FBXL12: variants seen among roughly 807,000 people sequenced by gnomAD.
The protein encoded by FBXL12 is F-box and leucine rich repeat protein 12, also known as F-box/LRR-repeat protein 12.
FBXL12 carries 22 observed loss-of-function variants against 24.9 expected under a neutral mutation model. The observed-to-expected ratio is 0.88, with a 90% CI of 0.63 to 1.26. The LOEUF is 1.26. Ranked by LOEUF, FBXL12 falls within the 50% of genes most tolerant of loss-of-function variation. FBXL12 has a pLI of 0.00. For synonymous variants in FBXL12, 193 were observed against 193.8 expected, an observed-to-expected ratio of 1.00 and a Z score of 0.03; for missense variants, 384 against 434.1, an observed-to-expected ratio of 0.88 and a Z score of 1.03.
At chr19:9,815,944 T>C (rs1234672152) in intron 2 of FBXL12, among the ~76,000 whole-genome samples, 1 of 152,220 alleles carries the variant, frequency 6.6e-6, no homozygotes, top group East Asian at 1.9e-4. Flanking sequence ...CCACTGTGCC[T>C]GGCCCTGAAC....
intron 2 of FBXL12, among the ~76,000 whole-genome samples, chr19:9,813,002 A>G (rs1168710098): frequency 1.3e-5 from 2 of 152,080 alleles, no homozygotes; most frequent in Admixed American, 6.6e-5. Flanking sequence ...GAACCTGGGA[A>G]GCAGAGGCTG....
At position 9,812,418 on chromosome 19, in the gene FBXL12, C is replaced by G. The variant is rs566761709; in HGVS notation, c.160-701G>C. The stretch of plus-strand genomic sequence containing the variant: ...TGGTGGCAAGCACCTGTAATCCCAG[C>G]TACTCAAGAGGCTGAGGCAAGAGAA... On this transcript the variant is annotated intron_variant, in intron 2 of 2. Transcript: ENST00000247977. 1.7e-4 allele frequency among the ~76,000 whole-genome samples: 25 copies of G among 150,702 alleles called. No homozygotes were observed. In the East Asian group the frequency reaches 4.9e-3, roughly 30 times the overall value.
intron 2 of FBXL12, among the ~76,000 whole-genome samples, chr19:9,815,327 C>T (rs2045856521): frequency 6.6e-6 from 1 of 152,234 alleles, no homozygotes; most frequent in Non-Finnish European, 1.5e-5. Context: ...CCAGCTCCGC[C>T]CCTTGTGGCT....
At chr19:9,812,813 C>G (rs2045788827) in intron 2 of FBXL12, among the ~76,000 whole-genome samples, 1 of 150,786 alleles carries the variant, frequency 6.6e-6, no homozygotes, top group East Asian at 1.9e-4. Context: ...GTGGCTCACA[C>G]CTGTAATCCC....
At position 9,811,734 on chromosome 19, in the gene FBXL12, T is replaced by A; in HGVS notation, c.160-17A>T. 1 of 1,504,314 alleles carries A rather than the reference T, an allele frequency of 6.6e-7. No homozygotes were observed. Among genetic ancestry groups the A allele is most frequent in the South Asian group, 1.4e-5 (1 of 73,096 alleles). 93.2% of individuals were successfully genotyped at this position (1,504,314 alleles called of 1,614,324 possible). A position where few individuals can be genotyped will look rare whatever the true frequency, so the allele number is the denominator to read the frequency against. On this transcript the variant is annotated splice_polypyrimidine_tract_variant and intron_variant, in intron 2 of 2. Coordinates refer to ENST00000247977, the MANE Select transcript of FBXL12 (RefSeq NM_017703.3). This position sits in a 1 kb window ranked among gnomAD's most constrained non-coding sequence, Gnocchi z 6.0. ...AGGTCGCATCTGTAAGAGCCAGAGATTGGGGTGACAGAGTGAGAGGTATGG... is the reference window on the plus strand; with the variant it reads ...AGGTCGCATCTGTAAGAGCCAGAGAATGGGGTGACAGAGTGAGAGGTATGG...
intron 2 of FBXL12, among the ~76,000 whole-genome samples, chr19:9,815,769 C>T (rs746721786): frequency 3.9e-5 from 6 of 152,096 alleles, no homozygotes; most frequent in Non-Finnish European, 7.3e-5. Context: ...ATTCTCCTGC[C>T]TCAGCCTCCC....
rs1568341272 is a variant in FBXL12 at position 9,811,250 on chromosome 19, C to A, written c.627G>T (p.Val209=). The A allele has an allele frequency of 1.2e-6, 2 of 1,612,100 alleles. No homozygotes were observed. Among genetic ancestry groups the A allele is most frequent in the Non-Finnish European group, 1.7e-6 (2 of 1,179,994 alleles). ...TGTCGGCAGACAGGGTGCAGCCCAG[C>A]ACCTCAAGCCTCTGCAGATAGCTGA... ...QELSYLQRLE[V]LGCTLSADST... The change falls in exon 3 of 3, where the codon GTG becomes GTT. Residue 209 remains valine, a synonymous_variant. Coordinates refer to ENST00000247977, the MANE Select transcript of FBXL12 (RefSeq NM_017703.3). The surrounding 1 kb of genome is among the most constrained non-coding windows in gnomAD (Gnocchi z 6.0).
In FBXL12 at chr19:9,810,884, C is replaced by G. The variant is rs746045822; in HGVS notation, c.*12G>C. 1 of 1,564,458 alleles carries G rather than the reference C, an allele frequency of 6.4e-7. No homozygotes were observed. Among genetic ancestry groups the G allele is most frequent in the Non-Finnish European group, 8.7e-7 (1 of 1,147,260 alleles). On this transcript the variant is annotated 3_prime_UTR_variant, in exon 3 of 3. Coordinates refer to ENST00000247977, the MANE Select transcript of FBXL12 (RefSeq NM_017703.3). Reference sequence around the variant, plus strand: ...TGAAAACTGGGATGGGTCCCAAGGGCAGGTGGAGTAGTTACATCCACCAGT... The same window carrying G: ...TGAAAACTGGGATGGGTCCCAAGGGGAGGTGGAGTAGTTACATCCACCAGT...
At chr19:9,817,194 G>A (rs570342659) in intron 2 of FBXL12, among the ~76,000 whole-genome samples, 1 of 152,326 alleles carries the variant, frequency 6.6e-6, no homozygotes, top group South Asian at 2.1e-4. Context: ...TTCTCAGGCG[G>A]CTGAGGCAGG....
In FBXL12 at chr19:9,810,807, C is replaced by G; in HGVS notation, c.*89G>C. 2.8e-6 allele frequency: 3 copies of G among 1,069,964 alleles called. No homozygotes were observed. The highest frequency in any genetic ancestry group is 4.0e-6 in the Non-Finnish European group (3 of 750,596). The allele number at this position is 1,069,964 out of a possible 1,614,324, so 66.3% of individuals were successfully genotyped here. On this transcript the variant is annotated 3_prime_UTR_variant, in exon 3 of 3. Coordinates refer to ENST00000247977, the MANE Select transcript of FBXL12 (RefSeq NM_017703.3). ...CCTGGGGCTTTCAGTTTCCTCAAGT[C>G]TGATTATCTGCCCTCTTCAAGGTGC...
At chr19:9,815,265 G>A (rs1168897961) in intron 2 of FBXL12, among the ~76,000 whole-genome samples, 1 of 152,202 alleles carries the variant, frequency 6.6e-6, no homozygotes, top group Non-Finnish European at 1.5e-5. Context: ...TTTGATTCCA[G>A]GTCTCACAAC....
At chr19:9,813,949 T>A (rs978524027) in intron 2 of FBXL12, among the ~76,000 whole-genome samples, 14 of 152,080 alleles carry the variant, frequency 9.2e-5, no homozygotes, top group Admixed American at 6.6e-5. Context: ...AAAAAGGTGT[T>A]TCTACATCAA....
At chr19:9,815,325 G>A (rs900288761) in intron 2 of FBXL12, among the ~76,000 whole-genome samples, 4 of 152,182 alleles carry the variant, frequency 2.6e-5, no homozygotes, top group African/African-American at 4.8e-5. Flanking sequence ...GGCCAGCTCC[G>A]CCCCTTGTGG....
chr19:9,810,308 T>A lies in FBXL12; in HGVS notation c.*588A>T, dbSNP rs2045710195. On this transcript the variant is annotated 3_prime_UTR_variant, in exon 3 of 3. Transcript: ENST00000247977. ...ATGATTTTTTTCTTTAATAGTAAAA[T>A]AATATACGTCTTGGAAAATACAGCA... 6.6e-6 allele frequency: 1 copy of A among 152,146 alleles called. No homozygotes were observed. Among genetic ancestry groups the A allele is most frequent in the South Asian group, 2.1e-4 (1 of 4,820 alleles). The allele number at this position is 152,146 out of a possible 1,614,324, so 9.4% of individuals were successfully genotyped here.
chr19:9,811,493 G>C lies in FBXL12; in HGVS notation c.384C>G (p.Thr128=). ...AGATCTCGCAGCTGTGCAGCTCCAG[G>C]GTCCTCAAGGTGCTGGGCAGGCTGG... The part of the protein sequence containing the change: ...PITSLPSTLR[T]LELHSCEISM... The change falls in exon 3 of 3, where the codon ACC becomes ACG. Residue 128 remains threonine (T), a synonymous_variant. Transcript: ENST00000247977. This position sits in a 1 kb window ranked among gnomAD's most constrained non-coding sequence, Gnocchi z 6.0. The C allele has an allele frequency of 6.2e-7, 1 of 1,613,832 alleles. No individual in the cohort carries two copies. Among genetic ancestry groups the C allele is most frequent in the South Asian group, 1.1e-5 (1 of 91,066 alleles).
chr19:9,817,751 ACTAT>A (rs1432673018), intron 2 of FBXL12, among the ~76,000 whole-genome samples: 2 of 152,220 alleles, frequency 1.3e-5, no homozygotes, highest in Non-Finnish European at 2.9e-5. Flanking sequence ...AAAGTAGAAC[ACTAT>A]CTAAATAGTA....
At chr19:9,818,486 G>C in intron 2 of FBXL12, 59 bp downstream of exon 2, 1 of 1,505,670 alleles carries the variant, frequency 6.6e-7, no homozygotes, top group Non-Finnish European at 8.9e-7. Context: ...GGGAGAGGTG[G>C]TCTTCGGGGT....
Position 9,811,122 on chromosome 19 carries a change from G to A in FBXL12, c.755C>T (p.Pro252Leu), listed in dbSNP as rs766968740. ...CTGCAGGCACAGACTCTCCAGGGCCGGCATTCCCTCCAGCACAGCCAGGCC... is the reference window on the plus strand; with the variant it reads ...CTGCAGGCACAGACTCTCCAGGGCCAGCATTCCCTCCAGCACAGCCAGGCC... The part of the protein sequence containing the change: ...APGLAVLEGM[P>L]ALESLCLQGP... The change falls in exon 3 of 3, where the codon CCG becomes CTG. Residue 252 changes from proline (P) to leucine (L), a missense_variant. Coordinates refer to ENST00000247977, the MANE Select transcript of FBXL12 (RefSeq NM_017703.3). This position sits in a 1 kb window ranked among gnomAD's most constrained non-coding sequence, Gnocchi z 6.0. 13 of 1,604,934 alleles carry A rather than the reference G, an allele frequency of 8.1e-6. No individual in the cohort carries two copies. The highest frequency in any genetic ancestry group is 3.3e-5 in the South Asian group (3 of 90,880).
Position 9,810,702 on chromosome 19 carries a change from C to G in FBXL12, c.*194G>C. 2.1e-6 allele frequency: 1 copy of G among 474,738 alleles called. No homozygotes were observed. Among genetic ancestry groups the G allele is most frequent in the Non-Finnish European group, 3.8e-6 (1 of 266,092 alleles). 29.4% of individuals were successfully genotyped at this position (474,738 alleles called of 1,614,324 possible). ...ATGTGGGAACTAGGCTTCCCAGAGG[C>G]TGATGATATGACCAAGGCCACACAG... On this transcript the variant is annotated 3_prime_UTR_variant, in exon 3 of 3. Coordinates refer to ENST00000247977, the MANE Select transcript of FBXL12 (RefSeq NM_017703.3).
Sources: allele counts gnomAD v4.1 joint callset (sites outside exome capture counted in the v4.1 genomes callset), GRCh38; gene constraint gnomAD v4.1.1; non-coding constraint Gnocchi (gnomAD v3.1); transcripts MANE v1.5; gene names NCBI Gene and HGNC (gene_info 2026-07-23, HGNC 2026-07-21).